ARIH1: variants seen among roughly 807,000 people sequenced by gnomAD.
ARIH1 encodes ariadne RBR E3 ubiquitin protein ligase 1, also known as E3 ubiquitin-protein ligase ARIH1.
In ARIH1, 8 loss-of-function variants were observed where a neutral mutation model predicts 85.0. That is an observed-to-expected ratio of 0.09 (90% CI 0.06 to 0.17). The LOEUF (loss-of-function observed/expected upper bound fraction) is 0.17. Ranked by LOEUF, ARIH1 falls within the 10% of genes least tolerant of loss-of-function variation. ARIH1 has a pLI of 1.00. For synonymous variants in ARIH1, 238 were observed against 253.6 expected (o/e 0.94, Z 0.59); for missense variants, 311 against 718.1 (o/e 0.43, Z 6.48).
intron 1 of ARIH1, among the ~76,000 whole-genome samples, chr15:72,478,010 T>G (rs1003728428): frequency 6.6e-6 from 1 of 152,172 alleles, no homozygotes; most frequent in African/African-American, 2.4e-5. Flanking sequence ...TTCCCCATGT[T>G]CATCATGCTG....
chr15:72,543,521 A>G (rs2140423352), intron 2 of ARIH1, among the ~76,000 whole-genome samples: 1 of 152,244 alleles, frequency 6.6e-6, no homozygotes, highest in South Asian at 2.1e-4. Context: ...TGATTATTTC[A>G]TTGAACTATG....
At chr15:72,479,966 C>G (rs2063809092) in intron 1 of ARIH1, among the ~76,000 whole-genome samples, 1 of 151,594 alleles carries the variant, frequency 6.6e-6, no homozygotes, top group Non-Finnish European at 1.5e-5. Flanking sequence ...CTCCTGGGTT[C>G]ACGCCATTCT....
chr15:72,519,481 T>G (rs1055271583), intron 2 of ARIH1, among the ~76,000 whole-genome samples: 9 of 126,760 alleles, frequency 7.1e-5, no homozygotes, highest in South Asian at 2.8e-4. Context: ...TTTTGTTTTT[T>G]TTTTTTTTTT....
At chr15:72,519,749 G>T (rs968911071) in intron 2 of ARIH1, among the ~76,000 whole-genome samples, 21 of 152,012 alleles carry the variant, frequency 1.4e-4, no homozygotes, top group African/African-American at 4.6e-4. Flanking sequence ...CTCCCAAAGT[G>T]CTGGGATTAC....
chr15:72,559,359 T>C (rs1449578632), intron 5 of ARIH1, among the ~76,000 whole-genome samples: 1 of 152,008 alleles, frequency 6.6e-6, no homozygotes. Flanking sequence ...AACCTCTACC[T>C]CCTAGGTTCA....
At chr15:72,511,572 T>C (rs1223936017) in intron 1 of ARIH1, among the ~76,000 whole-genome samples, 1 of 152,192 alleles carries the variant, frequency 6.6e-6, no homozygotes, top group Non-Finnish European at 1.5e-5. Context: ...CTCAAAGTGC[T>C]AGGATTACAG....
At chr15:72,496,490 T>C (rs2063880929) in intron 1 of ARIH1, among the ~76,000 whole-genome samples, 1 of 152,194 alleles carries the variant, frequency 6.6e-6, no homozygotes. Context: ...AAGAGCAATC[T>C]CTATTTGAAG....
At chr15:72,565,637 T>C (rs960314710) in intron 7 of ARIH1, among the ~76,000 whole-genome samples, 4 of 152,232 alleles carry the variant, frequency 2.6e-5, no homozygotes, top group African/African-American at 7.2e-5. Context: ...TTCCAATGTA[T>C]TTTTAGCGTG....
intron 1 of ARIH1, 64 bp downstream of exon 1, chr15:72,475,078 G>T (rs1363435199): frequency 1.3e-6 from 2 of 1,538,606 alleles, no homozygotes; most frequent in Non-Finnish European, 1.8e-6. Context: ...GGCGGCACGC[G>T]CGGTCCCGAG....
At chr15:72,492,782 CATTCCA>C (rs1463404568) in intron 1 of ARIH1, among the ~76,000 whole-genome samples, 1 of 152,264 alleles carries the variant, frequency 6.6e-6, no homozygotes, top group East Asian at 1.9e-4. Context: ...TATAATGTTG[CATTCCA>C]CCCAGCTATA....
intron 1 of ARIH1, among the ~76,000 whole-genome samples, chr15:72,492,087 T>C (rs559912082): frequency 5.9e-5 from 9 of 152,192 alleles, no homozygotes; most frequent in Non-Finnish European, 8.8e-5. Flanking sequence ...TTTAAGACTT[T>C]ACAGCTTACA....
intron 3 of ARIH1, among the ~76,000 whole-genome samples, chr15:72,550,862 G>A (rs1400657274): frequency 6.6e-6 from 1 of 152,064 alleles, no homozygotes; most frequent in African/African-American, 2.4e-5. Context: ...AGTAGAGACA[G>A]GGTTTCACCA....
At chr15:72,518,044 CT>C (rs756389164) in intron 1 of ARIH1, 22 bp from the exon 2 acceptor site, 24 of 1,587,094 alleles carry the variant, frequency 1.5e-5, no homozygotes, top group African/African-American at 8.1e-5. Flanking sequence ...CTTAAAATGA[CT>C]TTTTTTCCCC....
intron 1 of ARIH1, among the ~76,000 whole-genome samples, chr15:72,475,438 G>A (rs2063791049): frequency 6.6e-6 from 1 of 152,208 alleles, no homozygotes. Context: ...GAGCACTTTT[G>A]GAAGGGATTA....
At chr15:72,570,650 CTA>C (rs2064239693) in intron 10 of ARIH1, among the ~76,000 whole-genome samples, 1 of 152,156 alleles carries the variant, frequency 6.6e-6, no homozygotes, top group Non-Finnish European at 1.5e-5. Context: ...ATGTGCCTCT[CTA>C]GGCCAAAATT....
chr15:72,502,286 A>G (rs1417286166), intron 1 of ARIH1, among the ~76,000 whole-genome samples: 2 of 152,330 alleles, frequency 1.3e-5, no homozygotes, highest in East Asian at 3.9e-4. Context: ...TATATTTGGG[A>G]TGACATAGAA....
chr15:72,494,813 G>C (rs959967742), intron 1 of ARIH1, among the ~76,000 whole-genome samples: 10 of 100,178 alleles, frequency 1.0e-4, no homozygotes, highest in African/African-American at 2.9e-4. Context: ...CGTGAGAAAT[G>C]ATGAATTATT....
chr15:72,499,386 A>G (rs2063893782), intron 1 of ARIH1, among the ~76,000 whole-genome samples: 1 of 151,516 alleles, frequency 6.6e-6, no homozygotes, highest in Non-Finnish European at 1.5e-5. Flanking sequence ...TACAATGATT[A>G]CATTTATAGC....
chr15:72,477,707 A>T (rs1480669318), intron 1 of ARIH1, among the ~76,000 whole-genome samples: 1 of 152,208 alleles, frequency 6.6e-6, no homozygotes, highest in Admixed American at 6.5e-5. Flanking sequence ...AAAAGACCAA[A>T]TTAAACAATT....
Sources: allele counts gnomAD v4.1 joint callset (sites outside exome capture counted in the v4.1 genomes callset), GRCh38; gene constraint gnomAD v4.1.1; transcripts MANE v1.5; gene names NCBI Gene and HGNC (gene_info 2026-07-23, HGNC 2026-07-21).